PRKN: variants seen among roughly 807,000 people sequenced by gnomAD.
PRKN encodes parkin RBR E3 ubiquitin protein ligase.
PRKN carries 56 observed loss-of-function variants against 59.5 expected under a neutral mutation model. The observed-to-expected ratio is 0.94, with a 90% CI of 0.76 to 1.18. The LOEUF is 1.18. Among genes scored for constraint, PRKN ranks in the 50% most tolerant of loss-of-function variants. The pLI, the probability that PRKN is intolerant of heterozygous loss-of-function variation, is 0.00. For missense variants in PRKN, 657 were observed against 596.4 expected, an observed-to-expected ratio of 1.10 and a Z score of -1.06; for synonymous variants, 250 against 222.1, an observed-to-expected ratio of 1.13 and a Z score of -1.12.
intron 7 of PRKN, among the ~76,000 whole-genome samples, chr6:161,601,072 A>G (rs1782088543): frequency 1.3e-5 from 2 of 152,244 alleles, no homozygotes; most frequent in African/African-American, 4.8e-5. Context: ...AATCTTTTCT[A>G]AATAATCAAG....
chr6:162,184,659 A>C (rs530392185), intron 4 of PRKN, among the ~76,000 whole-genome samples: 1 of 152,192 alleles, frequency 6.6e-6, no homozygotes. Context: ...TGTTTTCTTT[A>C]TTATGACCCG....
chr6:161,952,939 A>T (rs1177604366), intron 6 of PRKN, among the ~76,000 whole-genome samples: 2 of 152,218 alleles, frequency 1.3e-5, no homozygotes, highest in Non-Finnish European at 2.9e-5. Flanking sequence ...GACGTGAGTC[A>T]ATCAAGTTAA....
At chr6:161,425,133 C>T (rs148340315) in intron 9 of PRKN, among the ~76,000 whole-genome samples, 72 of 152,242 alleles carry the variant, frequency 4.7e-4, no homozygotes, top group African/African-American at 1.6e-3. Context: ...CTCTCTCACA[C>T]ACACTTACTT....
chr6:162,451,403 G>A (rs1293718268), intron 1 of PRKN, among the ~76,000 whole-genome samples: 3 of 145,632 alleles, frequency 2.1e-5, no homozygotes, highest in African/African-American at 7.6e-5. Flanking sequence ...TGAGTGGAAA[G>A]ATATGACAGA....
At chr6:161,481,951 T>C (rs1260678859) in intron 9 of PRKN, among the ~76,000 whole-genome samples, 4 of 146,666 alleles carry the variant, frequency 2.7e-5, no homozygotes, top group Non-Finnish European at 4.5e-5. Context: ...GGATTGAGTT[T>C]GTTGGAGTCA....
chr6:162,076,029 C>T (rs906167637), intron 4 of PRKN, among the ~76,000 whole-genome samples: 2 of 145,388 alleles, frequency 1.4e-5, no homozygotes, highest in African/African-American at 5.3e-5. Context: ...AGAACAGTGG[C>T]ATGACCTCGG....
intron 6 of PRKN, among the ~76,000 whole-genome samples, chr6:161,916,259 A>G (rs941433788): frequency 6.6e-6 from 1 of 152,204 alleles, no homozygotes; most frequent in African/African-American, 2.4e-5. Flanking sequence ...TTGAGAGAAA[A>G]TCTCATGAGA....
intron 3 of PRKN, among the ~76,000 whole-genome samples, chr6:162,219,162 G>C (rs1326357733): frequency 1.3e-5 from 2 of 152,098 alleles, no homozygotes; most frequent in Non-Finnish European, 2.9e-5. Flanking sequence ...CTGTACTCCA[G>C]CCTGGGTAAC....
chr6:161,980,258 A>G (rs528264377), intron 5 of PRKN, among the ~76,000 whole-genome samples: 1 of 152,346 alleles, frequency 6.6e-6, no homozygotes, highest in Admixed American at 6.5e-5. Context: ...AAAGAGTTAA[A>G]TTCCATTCTT....
intron 3 of PRKN, 45 bp downstream of exon 3, chr6:162,262,480 A>G (rs769460133): frequency 3.0e-5 from 48 of 1,610,188 alleles, no homozygotes; most frequent in Middle Eastern, 3.3e-4. Context: ...ACTGCACTAA[A>G]CAAACAAACA....
intron 2 of PRKN, among the ~76,000 whole-genome samples, chr6:162,398,748 C>G (rs1464297208): frequency 6.6e-6 from 1 of 152,156 alleles, no homozygotes; most frequent in Admixed American, 6.5e-5. Flanking sequence ...AACAAATATG[C>G]AAATCTCCTT....
intron 2 of PRKN, among the ~76,000 whole-genome samples, chr6:162,416,832 ATTCT>A (rs1251306854): frequency 6.6e-6 from 1 of 152,186 alleles, no homozygotes; most frequent in Non-Finnish European, 1.5e-5. Flanking sequence ...ACATCCTTAA[ATTCT>A]GTACACAGAA....
intron 9 of PRKN, among the ~76,000 whole-genome samples, chr6:161,532,188 ATAT>A (rs1779247865): frequency 1.5e-5 from 2 of 133,402 alleles, no homozygotes; most frequent in African/African-American, 5.6e-5. Context: ...ATATATATAT[ATAT>A]AATCTATCTA....
At chr6:161,433,856 A>G (rs1365581651) in intron 9 of PRKN, among the ~76,000 whole-genome samples, 1 of 152,084 alleles carries the variant, frequency 6.6e-6, no homozygotes, top group Non-Finnish European at 1.5e-5. Flanking sequence ...ATCTCTGCTA[A>G]AAATACAAAA....
At chr6:162,155,424 G>A (rs980079087) in intron 4 of PRKN, among the ~76,000 whole-genome samples, 1 of 152,154 alleles carries the variant, frequency 6.6e-6, no homozygotes, top group Non-Finnish European at 1.5e-5. Flanking sequence ...ATTTGGGATT[G>A]TAGTTGAATT....
intron 8 of PRKN, among the ~76,000 whole-genome samples, chr6:161,555,103 C>T (rs1780186360): frequency 6.6e-6 from 1 of 152,130 alleles, no homozygotes; most frequent in South Asian, 2.1e-4. Flanking sequence ...TTCTTTACCT[C>T]ACTTCTAATT....
chr6:162,445,886 G>A (rs950066581), intron 1 of PRKN, among the ~76,000 whole-genome samples: 15 of 151,880 alleles, frequency 9.9e-5, no homozygotes, highest in African/African-American at 3.4e-4. Context: ...AACAACATGG[G>A]CCCCAAAACA....
rs1322936780 is a variant in PRKN at position 162,387,553 on chromosome 6, CACAGAG to C, written c.171+55751_171+55756del. Among the ~76,000 whole-genome samples the C allele has an allele frequency of 2.3e-3, 186 of 80,206 alleles. 1 individual carries two copies. The highest frequency in any genetic ancestry group is 5.5e-3 in the East Asian group (12 of 2,182). 52.6% of individuals were successfully genotyped at this position (80,206 alleles called of 152,430 possible). On this transcript the variant is annotated intron_variant, in intron 2 of 11. Coordinates refer to ENST00000366898, the MANE Select transcript of PRKN (RefSeq NM_004562.3). ...CACAACACACACACACACACACACA[CACAGAG>C]AGAGAGAGAGAGAGAGAGAGAGAGA...
chr6:161,903,784 C>A (rs1222175897), intron 6 of PRKN, among the ~76,000 whole-genome samples: 1 of 147,426 alleles, frequency 6.8e-6, no homozygotes, highest in Non-Finnish European at 1.5e-5. Context: ...ACACAGAGAA[C>A]TTTCTTTTTT....
Sources: gnomAD v4.1 joint callset for allele counts (sites outside exome capture counted in the v4.1 genomes callset) on GRCh38, gnomAD v4.1.1 for gene constraint, MANE v1.5 for transcripts, NCBI Gene and HGNC (gene_info 2026-07-23, HGNC 2026-07-21) for gene names.